The following ENPEP variants were observed in gnomAD, a reference collection of about 807,000 sequenced individuals.
ENPEP encodes the protein AP-A.
Under a neutral mutation model 114.5 loss-of-function variants are expected in ENPEP, and 103 were observed. That is an observed-to-expected ratio of 0.90 (90% CI 0.77 to 1.06). The LOEUF is 1.06. ENPEP is among the 50% of genes least tolerant of loss of function. ENPEP has a pLI of 0.00. For missense variants in ENPEP, 1,196 were observed against 1,161.3 expected (o/e 1.03, Z -0.43); for synonymous variants, 420 against 422.0 (o/e 1.00, Z 0.06).
At position 110,548,328 on chromosome 4, in the gene ENPEP, T is replaced by C. The variant is rs1310958111; in HGVS notation, c.2151+2T>C. On this transcript the variant is annotated splice_donor_variant, in intron 14 of 19. Transcript: ENST00000265162. LOFTEE classifies it high-confidence loss of function. The stretch of plus-strand genomic sequence containing the variant: ...AAAGAGCTATATCCTATGATTGAGG[T>C]GACGTTAATGCTATGGTATCTTATG... 2 of 1,569,448 alleles carry C rather than the reference T, an allele frequency of 1.3e-6. No homozygotes were observed. The highest frequency in any genetic ancestry group is 1.2e-5 in the South Asian group (1 of 81,892).
rs116170209 is a variant in ENPEP, at chr4:110,492,023, A to G, written c.918+859A>G. Among the ~76,000 whole-genome samples, 872 of 152,064 alleles carry G rather than the reference A, an allele frequency of 5.7e-3. 4 individuals carry two copies. Among genetic ancestry groups the G allele is most frequent in the African/African-American group, 0.02 (834 of 41,494 alleles). The stretch of plus-strand genomic sequence containing the variant: ...GGCATGAGCCACCGAGCCTGGCCCA[A>G]TCGTTTTCTTTTGAAGAACCACATA... On this transcript the variant is annotated intron_variant, in intron 3 of 19. Transcript: ENST00000265162.
Position 110,561,402 on chromosome 4 carries a change from C to T in ENPEP, c.2722-4C>T. ...AATCCTAATTACTCCCCTCTCTTTTCTAGATGGAGAGCTTTTTTGCAAAAT... is the reference window on the plus strand; with the variant it reads ...AATCCTAATTACTCCCCTCTCTTTTTTAGATGGAGAGCTTTTTTGCAAAAT... On this transcript the variant is annotated splice_polypyrimidine_tract_variant and splice_region_variant and intron_variant, in intron 19 of 19. Transcript: ENST00000265162. 1 of 1,613,340 alleles carries T rather than the reference C, an allele frequency of 6.2e-7. No homozygotes were observed. Among genetic ancestry groups the T allele is most frequent in the Non-Finnish European group, 8.5e-7 (1 of 1,179,768 alleles).
intron 1 of ENPEP, among the ~76,000 whole-genome samples, chr4:110,484,770 TTA>T (rs34624302): frequency 1.2e-3 from 172 of 142,652 alleles, no homozygotes; most frequent in African/African-American, 4.1e-3. Context: ...ATATATTATA[TTA>T]TATATATATA....
intron 4 of ENPEP, among the ~76,000 whole-genome samples, chr4:110,507,499 G>C (rs1725415421): frequency 6.6e-6 from 1 of 152,200 alleles, no homozygotes; most frequent in Non-Finnish European, 1.5e-5. Context: ...ATCTGTTTCT[G>C]CCTTTACTTT....
At chr4:110,499,531 C>T (rs1578396511) in intron 3 of ENPEP, among the ~76,000 whole-genome samples, 2 of 152,000 alleles carry the variant, frequency 1.3e-5, no homozygotes, top group African/African-American at 4.8e-5. Context: ...TGTCCCAAAC[C>T]CTCATGGCCA....
chr4:110,546,955 C>G (rs1179607442), intron 13 of ENPEP, among the ~76,000 whole-genome samples: 1 of 152,010 alleles, frequency 6.6e-6, no homozygotes, highest in Non-Finnish European at 1.5e-5. Flanking sequence ...CAGTTTTACT[C>G]CCCCAGGTAC....
At position 110,553,438 on chromosome 4, in the gene ENPEP, G is replaced by A; in HGVS notation, c.2625G>A (p.Trp875Ter). Residue 875 changes from tryptophan to a stop codon, truncating the protein, a stop_gained, in exon 18 of 20, where the codon TGG becomes TGA. Coordinates refer to ENST00000265162, the MANE Select transcript of ENPEP (RefSeq NM_001977.4). LOFTEE classifies it high-confidence loss of function. ...CCTGGAATTGGATACAACTCAACTGGGACTATCTAGTCAACAGGTGGGATG... is the reference window on the plus strand; with the variant it reads ...CCTGGAATTGGATACAACTCAACTGAGACTATCTAGTCAACAGGTGGGATG... ...NMAWNWIQLNWDYLVNRYTLN... is the reference protein window; with the variant it reads ...NMAWNWIQLN 6.2e-7 allele frequency: 1 copy of A among 1,608,634 alleles called. No homozygotes were observed. Among genetic ancestry groups the A allele is most frequent in the South Asian group, 1.1e-5 (1 of 90,240 alleles).
rs1279168736 is a variant in ENPEP, at chr4:110,564,875, A to G, written c.*3317A>G. ...GCTCCTAGATGCAGCAGTATTCCAG[A>G]TAGAGGCCGCACTATGAGCCTGAAT... is the stretch of plus-strand genomic sequence containing the variant. On this transcript the variant is annotated 3_prime_UTR_variant, in exon 20 of 20. Transcript: ENST00000265162. 2 of 152,202 alleles carry G rather than the reference A, an allele frequency of 1.3e-5. No homozygotes were observed. Among genetic ancestry groups the G allele is most frequent in the Admixed American group, 6.5e-5 (1 of 15,284 alleles). 9.4% of individuals were successfully genotyped at this position (152,202 alleles called of 1,614,324 possible).
At chr4:110,506,162 C>A (rs1725361794) in intron 3 of ENPEP, 1 of 151,978 alleles carries the variant, frequency 6.6e-6, no homozygotes, top group Non-Finnish European at 1.5e-5. Context: ...GAGAAAAATC[C>A]CATTAATTCA....
At chr4:110,479,633 C>T (rs1185438728) in intron 1 of ENPEP, among the ~76,000 whole-genome samples, 1 of 152,048 alleles carries the variant, frequency 6.6e-6, no homozygotes, top group African/African-American at 2.4e-5. Context: ...ACTAACAATA[C>T]AATGATTTTT....
chr4:110,509,522 A>G, intron 4 of ENPEP, 131 bp from the exon 5 acceptor site: 1 of 1,181,312 alleles, frequency 8.5e-7, no homozygotes, highest in South Asian at 1.7e-5. Flanking sequence ...ACACATGATT[A>G]CAGTTCTTTA....
At chr4:110,497,027 C>T (rs1228294122) in intron 3 of ENPEP, among the ~76,000 whole-genome samples, 3 of 152,230 alleles carry the variant, frequency 2.0e-5, no homozygotes, top group African/African-American at 7.2e-5. Flanking sequence ...TATGGATATA[C>T]ATTATGACCA....
At chr4:110,511,749 A>G (rs1725584480) in intron 6 of ENPEP, among the ~76,000 whole-genome samples, 1 of 148,956 alleles carries the variant, frequency 6.7e-6, no homozygotes, top group South Asian at 2.1e-4. Flanking sequence ...TCCTTCATCT[A>G]TTCATTCATT....
chr4:110,561,286 C>T (rs913338019), intron 19 of ENPEP, 120 bp from the exon 20 acceptor site: 32 of 989,860 alleles, frequency 3.2e-5, no homozygotes, highest in South Asian at 4.3e-5. Flanking sequence ...TGTAGCTCAA[C>T]GTTGTGCAGT....
intron 11 of ENPEP, chr4:110,533,147 G>T: frequency 2.3e-6 from 1 of 443,946 alleles, no homozygotes; most frequent in Non-Finnish European, 4.5e-6. Flanking sequence ...AAGTTTGAAA[G>T]CGTGAATAAT....
intron 19 of ENPEP, among the ~76,000 whole-genome samples, chr4:110,560,274 G>A (rs1440647269): frequency 2.0e-5 from 3 of 152,154 alleles, no homozygotes; most frequent in African/African-American, 7.2e-5. Context: ...TGTCTTTATA[G>A]TAGAATGATT....
intron 1 of ENPEP, among the ~76,000 whole-genome samples, chr4:110,479,794 CAA>C (rs1214537454): frequency 4.0e-5 from 6 of 151,814 alleles, no homozygotes; most frequent in African/African-American, 1.2e-4. Context: ...ATCATAAAGA[CAA>C]GAGAAATTTT....
rs1182346992 is a variant in ENPEP, at chr4:110,523,193, A to C, written c.1727+2827A>C. On this transcript the variant is annotated intron_variant, in intron 10 of 19. Transcript: ENST00000265162. ...TCAACTATAAAAAAGAAAATTAGAA[A>C]AAACCCAAATCAAAGACTATATATA... Among the ~76,000 whole-genome samples, 7 of 152,302 alleles carry C rather than the reference A, an allele frequency of 4.6e-5. No homozygotes were observed. In the South Asian group the frequency reaches 1.2e-3, roughly 27 times the overall value.
At chr4:110,477,200 C>T in intron 1 of ENPEP, 142 bp downstream of exon 1, 1 of 1,188,884 alleles carries the variant, frequency 8.4e-7, no homozygotes, top group Non-Finnish European at 1.2e-6. Flanking sequence ...GGCTGTCCAT[C>T]TGGGAAGCCA....
Sources: allele counts gnomAD v4.1 joint callset (sites outside exome capture counted in the v4.1 genomes callset), GRCh38; gene constraint gnomAD v4.1.1; transcripts MANE v1.5; gene names NCBI Gene and HGNC (gene_info 2026-07-23, HGNC 2026-07-21).